SLC46A3: variants seen among roughly 807,000 people sequenced by gnomAD.
SLC46A3 encodes lysosomal proton-coupled steroid conjugate and bile acid symporter SLC46A3.
Under a neutral mutation model 38.5 loss-of-function variants are expected in SLC46A3, and 26 were observed. The ratio of observed to expected loss-of-function variants is 0.68; its 90% CI spans 0.49 to 0.94. The LOEUF is 0.94. Among genes scored for constraint, SLC46A3 ranks in the 40% least tolerant of loss-of-function variants. The pLI is 0.00. For synonymous variants in SLC46A3, 185 were observed against 192.5 expected, an observed-to-expected ratio of 0.96 and a Z score of 0.32; for missense variants, 510 against 544.3, an observed-to-expected ratio of 0.94 and a Z score of 0.63.
chr13:28,705,576 C>G (rs551894149), intron 4 of SLC46A3, among the ~76,000 whole-genome samples: 1 of 152,164 alleles, frequency 6.6e-6, no homozygotes, highest in African/African-American at 2.4e-5. Flanking sequence ...AAAGCTTTGT[C>G]GATCTGCCTT....
chr13:28,708,139 G>T (rs1047640017), intron 4 of SLC46A3, among the ~76,000 whole-genome samples: 1 of 152,194 alleles, frequency 6.6e-6, no homozygotes, highest in African/African-American at 2.4e-5. Context: ...ATGCTGCCAT[G>T]AACAAGATTT....
intron 5 of SLC46A3, chr13:28,703,672 CT>C (rs890165917): frequency 4.8e-5 from 9 of 186,778 alleles, no homozygotes; most frequent in East Asian, 1.2e-4. Context: ...GACCGGTTCT[CT>C]TTTTTTTAAT....
At chr13:28,714,498 T>C (rs752565755) in intron 2 of SLC46A3, among the ~76,000 whole-genome samples, 16 of 152,020 alleles carry the variant, frequency 1.1e-4, no homozygotes, top group South Asian at 2.1e-4. Flanking sequence ...CCTGTAATCC[T>C]AGCACTTTGG....
At chr13:28,709,472 C>T (rs887378462) in intron 4 of SLC46A3, among the ~76,000 whole-genome samples, 9 of 152,028 alleles carry the variant, frequency 5.9e-5, no homozygotes, top group African/African-American at 4.8e-5. Context: ...TTCACAGCAC[C>T]GGGCTAACAT....
intron 2 of SLC46A3, among the ~76,000 whole-genome samples, chr13:28,714,741 T>C (rs1053442953): frequency 1.3e-5 from 2 of 152,196 alleles, no homozygotes; most frequent in African/African-American, 4.8e-5. Flanking sequence ...ACAGTGAGAC[T>C]CCATCTCAAA....
chr13:28,711,165 C>T (rs150090357), intron 3 of SLC46A3, among the ~76,000 whole-genome samples: 1,647 of 152,290 alleles, frequency 0.011, 24 homozygotes, highest in African/African-American at 0.037. Context: ...TGGCTCACAC[C>T]TGTAATCCCA....
chr13:28,708,429 C>T (rs1885239645), intron 4 of SLC46A3, among the ~76,000 whole-genome samples: 1 of 152,144 alleles, frequency 6.6e-6, no homozygotes, highest in African/African-American at 2.4e-5. Flanking sequence ...GCATATTGGT[C>T]ACTTGTATAT....
At position 28,701,023 on chromosome 13, in the gene SLC46A3, C is replaced by T. The variant is rs1482570289; in HGVS notation, c.*474G>A. 31 of 1,524,536 alleles carry T rather than the reference C, an allele frequency of 2.0e-5. No homozygotes were observed. The South Asian group carries it at 3.6e-4, about 18-fold the overall frequency. 94.4% of individuals were successfully genotyped at this position (1,524,536 alleles called of 1,614,324 possible). ...TATTTGAAACTTATATCATTATTTT[C>T]CTACCAATGAGTGATTCATCATAAT... On this transcript the variant is annotated 3_prime_UTR_variant, in exon 6 of 6. Transcript: ENST00000266943.
intron 3 of SLC46A3, among the ~76,000 whole-genome samples, chr13:28,712,022 C>T (rs1240060636): frequency 6.6e-6 from 1 of 152,130 alleles, no homozygotes; most frequent in East Asian, 1.9e-4. Context: ...TGCTTCCCTG[C>T]AAGATAGTAA....
In SLC46A3 at chr13:28,700,247, G is replaced by A. The variant is rs549733248; in HGVS notation, c.*1250C>T. On this transcript the variant is annotated 3_prime_UTR_variant, in exon 6 of 6. Coordinates refer to ENST00000266943, the MANE Select transcript of SLC46A3 (RefSeq NM_181785.4). The stretch of plus-strand genomic sequence containing the variant: ...AGCCCTGTAGGGACTGGGGAGTGAG[G>A]AGGGATGTCAAGAAGGCTGCTATCC... 2.0e-5 allele frequency: 3 copies of A among 152,216 alleles called. No homozygotes were observed. The highest frequency in any genetic ancestry group is 4.8e-5 in the African/African-American group (2 of 41,442). The allele number at this position is 152,216 out of a possible 1,614,324, so 9.4% of individuals were successfully genotyped here. A position where few individuals can be genotyped will look rare whatever the true frequency, so the allele number is the denominator to read the frequency against.
chr13:28,712,534 C>G, intron 3 of SLC46A3, 146 bp downstream of exon 3: 1 of 727,916 alleles, frequency 1.4e-6, no homozygotes, highest in Non-Finnish European at 1.9e-6. Context: ...CTTATTGACT[C>G]CTGGCAAACT....
chr13:28,710,820 T>C lies in SLC46A3; in HGVS notation c.1084A>G (p.Ile362Val). ...FLARVPFLFT[I>V]VPFSVLRSML... ...GACCGTAGAACAGAGAATGGCACAA[T>C]AGTGAAAAGGAACGGCACCCTGGCT... The change falls in exon 4 of 6, where the codon ATT becomes GTT. Residue 362 changes from isoleucine (I) to valine (V), a missense_variant. By Grantham distance (29) the Ile-to-Val change is conservative. Transcript: ENST00000266943. The C allele has an allele frequency of 1.2e-6, 2 of 1,613,918 alleles. No homozygotes were observed. The highest frequency in any genetic ancestry group is 1.1e-5 in the South Asian group (1 of 91,052).
chr13:28,706,758 T>C (rs1057142214), intron 4 of SLC46A3, among the ~76,000 whole-genome samples: 1 of 152,070 alleles, frequency 6.6e-6, no homozygotes, highest in African/African-American at 2.4e-5. Flanking sequence ...CAGACACTTC[T>C]CAAAAGAAGA....
At chr13:28,716,609 T>G (rs892269390) in intron 2 of SLC46A3, among the ~76,000 whole-genome samples, 4 of 152,136 alleles carry the variant, frequency 2.6e-5, no homozygotes, top group Non-Finnish European at 5.9e-5. Flanking sequence ...CCTTTTTTTT[T>G]ATGACCTTAC....
intron 4 of SLC46A3, 146 bp downstream of exon 4, chr13:28,710,614 C>T (rs1885314000): frequency 1.5e-6 from 1 of 680,846 alleles, no homozygotes; most frequent in Non-Finnish European, 2.5e-6. Flanking sequence ...GTAAGCCTTT[C>T]CCTCACAGAG....
chr13:28,704,966 C>G (rs1385102623), intron 4 of SLC46A3, among the ~76,000 whole-genome samples: 1 of 152,170 alleles, frequency 6.6e-6, no homozygotes, highest in African/African-American at 2.4e-5. Context: ...GAGAAACAGA[C>G]AGTATTCTAC....
chr13:28,717,819 T>G lies in SLC46A3; in HGVS notation c.180A>C (p.Ala60=), dbSNP rs1049413306. 1 of 1,613,290 alleles carries G rather than the reference T, an allele frequency of 6.2e-7. No homozygotes were observed. The highest frequency in any genetic ancestry group is 8.5e-7 in the Non-Finnish European group (1 of 1,179,784). ...CEKNKSSPIF[A]FQEEVQKKVS... is the part of the protein sequence containing the mutation. ...TATTGTAATTTCTTACCTCCTGGAA[T>G]GCAAAAATTGGGCTGCTTTTGTTTT... The change falls in exon 2 of 6, where the codon GCA becomes GCC. Residue 60 remains alanine (A), a synonymous_variant. Coordinates refer to ENST00000266943, the MANE Select transcript of SLC46A3 (RefSeq NM_181785.4).
chr13:28,700,507 A>G lies in SLC46A3; in HGVS notation c.*990T>C. On this transcript the variant is annotated 3_prime_UTR_variant, in exon 6 of 6. Coordinates refer to ENST00000266943, the MANE Select transcript of SLC46A3 (RefSeq NM_181785.4). ...ATGAGTGACCGTGTTGACGGATTCA[A>G]ATTTAAGGAGTACAAGATCGTATTT... 6.4e-6 allele frequency: 1 copy of G among 155,608 alleles called. No homozygotes were observed. Among genetic ancestry groups the G allele is most frequent in the South Asian group, 2.0e-4 (1 of 5,030 alleles). The allele number at this position is 155,608 out of a possible 1,614,324, so 9.6% of individuals were successfully genotyped here.
chr13:28,710,829 G>C lies in SLC46A3; in HGVS notation c.1075C>G (p.Leu359Val). 1 of 1,613,630 alleles carries C rather than the reference G, an allele frequency of 6.2e-7. No individual in the cohort carries two copies. Among genetic ancestry groups the C allele is most frequent in the Non-Finnish European group, 8.5e-7 (1 of 1,179,812 alleles). Residue 359 changes from leucine (L) to valine (V), a missense_variant, in exon 4 of 6, where the codon CTT becomes GTT. Coordinates refer to ENST00000266943, the MANE Select transcript of SLC46A3 (RefSeq NM_181785.4). Reference protein sequence around the residue: ...LMMFLARVPFLFTIVPFSVLR... With the variant: ...LMMFLARVPFVFTIVPFSVLR... ...ACAGAGAATGGCACAATAGTGAAAA[G>C]GAACGGCACCCTGGCTGTGAGAGAA... is the stretch of plus-strand genomic sequence containing the variant.
Sources: gnomAD v4.1 joint callset for allele counts (sites outside exome capture counted in the v4.1 genomes callset) on GRCh38, gnomAD v4.1.1 for gene constraint, MANE v1.5 for transcripts, NCBI Gene and HGNC (gene_info 2026-07-23, HGNC 2026-07-21) for gene names.